ASB15: variants seen among roughly 807,000 people sequenced by gnomAD.
ASB15 encodes the protein ankyrin repeat and SOCS box containing 15.
In ASB15, 54 loss-of-function variants were observed where a neutral mutation model predicts 58.0. The ratio of observed to expected loss-of-function variants is 0.93; its 90% CI spans 0.75 to 1.17. The LOEUF (loss-of-function observed/expected upper bound fraction) is 1.17. Among genes scored for constraint, ASB15 ranks in the 50% most tolerant of loss-of-function variants. The pLI is 0.00. For synonymous variants in ASB15, 249 were observed against 262.4 expected (o/e 0.95, Z 0.50); for missense variants, 680 against 707.4 (o/e 0.96, Z 0.44).
intron 1 of ASB15, among the ~76,000 whole-genome samples, chr7:123,582,586 A>ATG (rs1424868592): frequency 6.6e-6 from 1 of 151,908 alleles, no homozygotes; most frequent in Non-Finnish European, 1.5e-5. Flanking sequence ...CATTCCCCCC[A>ATG]GATATGCCAT....
In ASB15 at chr7:123,637,966, A is replaced by G. The variant is rs1292533157; in HGVS notation, c.*985A>G. 6.6e-6 allele frequency: 1 copy of G among 150,436 alleles called. No homozygotes were observed. The highest frequency in any genetic ancestry group is 1.5e-5 in the Non-Finnish European group (1 of 67,852). 9.3% of individuals were successfully genotyped at this position (150,436 alleles called of 1,614,324 possible). On this transcript the variant is annotated 3_prime_UTR_variant, in exon 12 of 12. Transcript: ENST00000451215. ...AGTTTCCAAAGAAAAAAGCCTGGACATTAGGTTTGACCATCCCATTTTCCT... is the reference window on the plus strand; with the variant it reads ...AGTTTCCAAAGAAAAAAGCCTGGACGTTAGGTTTGACCATCCCATTTTCCT...
intron 1 of ASB15, among the ~76,000 whole-genome samples, chr7:123,577,661 T>C (rs1004128988): frequency 1.3e-5 from 2 of 152,126 alleles, no homozygotes; most frequent in Non-Finnish European, 2.9e-5. Flanking sequence ...ATAGCAAACA[T>C]GTTGAACAAT....
chr7:123,603,528 CT>C (rs1799989913), intron 1 of ASB15, among the ~76,000 whole-genome samples: 2 of 150,232 alleles, frequency 1.3e-5, no homozygotes, highest in Non-Finnish European at 2.9e-5. Context: ...GGATAAACAC[CT>C]TTTCTGGGAG....
chr7:123,635,078 A>C (rs1802346059), intron 11 of ASB15, among the ~76,000 whole-genome samples: 1 of 152,234 alleles, frequency 6.6e-6, no homozygotes, highest in Admixed American at 6.5e-5. Context: ...ATTAGAAAAG[A>C]CTTAAAGGAC....
chr7:123,638,358 G>A lies in ASB15; in HGVS notation c.*1377G>A, dbSNP rs1802523326. 6.6e-6 allele frequency: 1 copy of A among 151,928 alleles called. No homozygotes were observed. Among genetic ancestry groups the A allele is most frequent in the East Asian group, 1.9e-4 (1 of 5,186 alleles). 9.4% of individuals were successfully genotyped at this position (151,928 alleles called of 1,614,324 possible). ...TTCCTCCTTTCCCTTGAACCTTCTA[G>A]AATTTTATTTTTTAAACACTGATTC... On this transcript the variant is annotated 3_prime_UTR_variant, in exon 12 of 12. Coordinates refer to ENST00000451215, the MANE Select transcript of ASB15 (RefSeq NM_001290258.2).
chr7:123,623,448 G>C (rs1801466724), intron 7 of ASB15, among the ~76,000 whole-genome samples: 1 of 152,192 alleles, frequency 6.6e-6, no homozygotes, highest in Admixed American at 6.5e-5. Flanking sequence ...CAGAGAGGGA[G>C]AGGGACAACT....
upstream of ASB15, among the ~76,000 whole-genome samples, chr7:123,601,422 G>A (rs1429546151): frequency 6.6e-6 from 1 of 152,130 alleles, no homozygotes; most frequent in Non-Finnish European, 1.5e-5. Context: ...CAAGAAGATT[G>A]TATTTAATGA....
At chr7:123,636,403 A>T (rs2116697617) in intron 11 of ASB15, among the ~76,000 whole-genome samples, 1 of 152,340 alleles carries the variant, frequency 6.6e-6, no homozygotes, top group South Asian at 2.1e-4. Context: ...TCGATGTTTC[A>T]TGGATAGTTA....
intron 1 of ASB15, among the ~76,000 whole-genome samples, chr7:123,567,937 T>C (rs988616788): frequency 2.6e-5 from 4 of 152,190 alleles, no homozygotes; most frequent in African/African-American, 9.6e-5. Flanking sequence ...ATGTTCAAAA[T>C]GATTTGGATT....
Position 123,629,106 on chromosome 7 carries a change from C to T in ASB15, c.1112C>T (p.Ala371Val), listed in dbSNP as rs1252096732. The change falls in exon 10 of 12, where the codon GCT (alanine) becomes GTT (valine). Residue 371 changes from alanine to valine, a missense_variant. Physicochemically the swap from Ala to Val is moderately conservative, Grantham distance 64 (BLOSUM62 0). Coordinates refer to ENST00000451215, the MANE Select transcript of ASB15 (RefSeq NM_001290258.2). ...NDVHCTEVLL[A>V]AGADPNLDPL... is the part of the protein sequence containing the mutation. ...GTTCATTGCACAGAAGTCCTTCTGG[C>T]TGCAGGTGCAGACCCAAACTTAGAT... 5.6e-6 allele frequency: 9 copies of T among 1,613,868 alleles called. No individual in the cohort carries two copies. Among genetic ancestry groups the T allele is most frequent in the Non-Finnish European group, 7.6e-6 (9 of 1,179,894 alleles).
intron 2 of ASB15, among the ~76,000 whole-genome samples, chr7:123,608,131 A>C (rs1459424459): frequency 6.6e-6 from 1 of 152,046 alleles, no homozygotes; most frequent in South Asian, 2.1e-4. Flanking sequence ...TCTAGTCCTC[A>C]TACTAATTTC....
intron 1 of ASB15, among the ~76,000 whole-genome samples, chr7:123,587,655 G>A (rs1264864738): frequency 6.6e-6 from 1 of 151,326 alleles, no homozygotes; most frequent in Non-Finnish European, 1.5e-5. Flanking sequence ...CTTTTCACCT[G>A]TATGTTCACT....
At chr7:123,595,090 G>A (rs963952626) in intron 1 of ASB15, among the ~76,000 whole-genome samples, 19 of 152,234 alleles carry the variant, frequency 1.2e-4, no homozygotes, top group African/African-American at 4.3e-4. Context: ...GCAAGGCTCC[G>A]TGGACGTGGA....
intron 7 of ASB15, 93 bp from the exon 8 acceptor site, chr7:123,624,476 T>C (rs1246547029): frequency 2.5e-6 from 3 of 1,224,248 alleles, no homozygotes; most frequent in Non-Finnish European, 3.5e-6. Flanking sequence ...CTAGCTAGTA[T>C]CTATTTCAAT....
At chr7:123,572,114 C>T (rs918517747) in intron 1 of ASB15, among the ~76,000 whole-genome samples, 21 of 130,684 alleles carry the variant, frequency 1.6e-4, no homozygotes, top group African/African-American at 6.0e-4. Context: ...AGTGATTTTA[C>T]AGTGATTGTA....
chr7:123,613,392 T>C (rs1281666802), intron 3 of ASB15, among the ~76,000 whole-genome samples: 1 of 152,208 alleles, frequency 6.6e-6, no homozygotes, highest in Non-Finnish European at 1.5e-5. Context: ...TAATTTCATA[T>C]TAGCCAGTCA....
chr7:123,569,294 T>C (rs1463636811), intron 1 of ASB15, among the ~76,000 whole-genome samples: 1 of 152,146 alleles, frequency 6.6e-6, no homozygotes, highest in Admixed American at 6.5e-5. Context: ...TAAATTCATC[T>C]GGGAAGAAAC....
At position 123,639,016 on chromosome 7, in the gene ASB15, C is replaced by A. The variant is rs1220585676; in HGVS notation, c.*2035C>A. 1.3e-5 allele frequency: 2 copies of A among 152,024 alleles called. No individual in the cohort carries two copies. The highest frequency in any genetic ancestry group is 2.9e-5 in the Non-Finnish European group (2 of 67,980). 9.4% of individuals were successfully genotyped at this position (152,024 alleles called of 1,614,324 possible). A position where few individuals can be genotyped will look rare whatever the true frequency, so the allele number is the denominator to read the frequency against. On this transcript the variant is annotated 3_prime_UTR_variant, in exon 12 of 12. Transcript: ENST00000451215. ...AAGTGACAAAAATAATCAGTGACAT[C>A]ATGGTGAAATAATAGTTTTAAATTT...
At position 123,636,910 on chromosome 7, in the gene ASB15, C is replaced by T; in HGVS notation, c.1696C>T (p.Pro566Ser). 1.3e-6 allele frequency: 2 copies of T among 1,592,442 alleles called. No individual in the cohort carries two copies. The highest frequency in any genetic ancestry group is 1.7e-6 in the Non-Finnish European group (2 of 1,160,614). The change falls in exon 12 of 12, where the codon CCA (proline) becomes TCA (serine). Residue 566 changes from proline (P) to serine (S), a missense_variant. Coordinates refer to ENST00000451215, the MANE Select transcript of ASB15 (RefSeq NM_001290258.2). Reference sequence around the variant, plus strand: ...AGCCTCAGTGGAGAAGCTTCCTCTACCACCAGCTATTCAAAGATACATATT... The same window carrying T: ...AGCCTCAGTGGAGAAGCTTCCTCTATCACCAGCTATTCAAAGATACATATT... The part of the protein sequence containing the change: ...QPASVEKLPL[P>S]PAIQRYILFK...
Sources: gnomAD v4.1 joint callset for allele counts (sites outside exome capture counted in the v4.1 genomes callset) on GRCh38, gnomAD v4.1.1 for gene constraint, MANE v1.5 for transcripts, NCBI Gene and HGNC (gene_info 2026-07-23, HGNC 2026-07-21) for gene names.